GALNT13: variants seen among roughly 807,000 people sequenced by gnomAD.
The protein encoded by GALNT13 is UDP-GalNAc:polypeptide N-acetylgalactosaminyltransferase 13.
A neutral mutation model predicts 64.2 loss-of-function variants in GALNT13; 28 were observed. That is an observed-to-expected ratio of 0.44 (90% CI 0.32 to 0.60). The LOEUF is 0.60. GALNT13 is among the 20% of genes least tolerant of loss of function. The probability of loss-of-function intolerance (pLI) is 0.05; values close to 1 mark genes in which losing one functional copy is unlikely to be tolerated. For synonymous variants in GALNT13, 214 were observed against 224.6 expected (o/e 0.95, Z 0.42); for missense variants, 577 against 669.8 (o/e 0.86, Z 1.53).
At position 154,048,464 on chromosome 2, in the gene GALNT13, T is replaced by G. The variant is rs139027030; in HGVS notation, c.143-91873T>G. On this transcript the variant is annotated intron_variant, in intron 3 of 12. Transcript: ENST00000392825. ...TTGGGAAAATATATCTAAAATCTGC[T>G]TCTTACATGAGCTCGATTTATTTTG... is the stretch of plus-strand genomic sequence containing the variant. 5.9e-3 allele frequency among the ~76,000 whole-genome samples: 893 copies of G among 152,314 alleles called. 7 individuals carry two copies. The highest frequency in any genetic ancestry group is 0.02 in the African/African-American group (830 of 41,570).
At chr2:153,756,568 G>A in the GALNT13 span, among the ~76,000 whole-genome samples, 2 of 152,114 alleles carry the variant, frequency 1.3e-5, no homozygotes, top group Non-Finnish European at 2.9e-5. Flanking sequence ...AGATTGCAAA[G>A]AGATGAAACT....
At chr2:153,596,300 G>C in the GALNT13 span, among the ~76,000 whole-genome samples, 6 of 152,120 alleles carry the variant, frequency 3.9e-5, no homozygotes. Flanking sequence ...AAATCAGTCA[G>C]AGAGCCTAGC....
At chr2:153,364,602 G>C in the GALNT13 span, among the ~76,000 whole-genome samples, 1 of 152,108 alleles carries the variant, frequency 6.6e-6, no homozygotes, top group African/African-American at 2.4e-5. Context: ...TAGACAAGCA[G>C]AGAGCCAAAT....
chr2:153,762,890 A>G, the GALNT13 span, among the ~76,000 whole-genome samples: 1 of 151,540 alleles, frequency 6.6e-6, no homozygotes, highest in African/African-American at 2.4e-5. Context: ...TTATATTTAT[A>G]TTTTAAAAAT....
At chr2:153,682,771 C>T in the GALNT13 span, among the ~76,000 whole-genome samples, 2 of 151,770 alleles carry the variant, frequency 1.3e-5, no homozygotes, top group Admixed American at 6.6e-5. Context: ...TTAAATCCTC[C>T]TCTTGGTCCT....
At chr2:153,553,214 G>T in the GALNT13 span, among the ~76,000 whole-genome samples, 4 of 152,306 alleles carry the variant, frequency 2.6e-5, no homozygotes, top group East Asian at 7.7e-4. Flanking sequence ...ATTAGATGTT[G>T]TATGAAATTA....
At chr2:154,146,097 G>A (rs1030394659) in intron 4 of GALNT13, among the ~76,000 whole-genome samples, 2 of 151,108 alleles carry the variant, frequency 1.3e-5, no homozygotes, top group African/African-American at 2.4e-5. Context: ...ATGTTAGAAT[G>A]CCTGTATGTT....
At chr2:153,818,137 G>A in the GALNT13 span, among the ~76,000 whole-genome samples, 1 of 152,110 alleles carries the variant, frequency 6.6e-6, no homozygotes, top group African/African-American at 2.4e-5. Context: ...AAGATTAGGT[G>A]AGTGAGAGAC....
chr2:153,367,366 A>C, the GALNT13 span, among the ~76,000 whole-genome samples: 2 of 152,120 alleles, frequency 1.3e-5, no homozygotes, highest in Non-Finnish European at 2.9e-5. Flanking sequence ...ACTGTGATCA[A>C]CTAAAAATGT....
chr2:154,300,524 G>A lies in GALNT13; in HGVS notation c.976-885G>A, dbSNP rs181303542. Among the ~76,000 whole-genome samples, 393 of 152,066 alleles carry A rather than the reference G, an allele frequency of 2.6e-3. 4 individuals carry two copies. Among genetic ancestry groups the A allele is most frequent in the Middle Eastern group, 0.014 (4 of 290 alleles). ...TGTTTTCCAAATTTTGTAAAACAGC[G>A]ACTATGACTTCTATTTATTGTGACA... On this transcript the variant is annotated intron_variant, in intron 8 of 12. Transcript: ENST00000392825.
At chr2:154,171,817 T>A (rs1685364302) in intron 4 of GALNT13, among the ~76,000 whole-genome samples, 2 of 152,100 alleles carry the variant, frequency 1.3e-5, no homozygotes, top group Admixed American at 1.3e-4. Context: ...AATGATATAA[T>A]CCATTTTGGA....
intron 1 of GALNT13, among the ~76,000 whole-genome samples, chr2:153,899,396 T>C (rs1160215287): frequency 6.6e-6 from 1 of 152,212 alleles, no homozygotes; most frequent in African/African-American, 2.4e-5. Flanking sequence ...TTTATAATTG[T>C]ATTGAATTAT....
chr2:154,110,358 G>GAGAGAC (rs1558963184), intron 3 of GALNT13, among the ~76,000 whole-genome samples: 1 of 100,878 alleles, frequency 9.9e-6, no homozygotes. Flanking sequence ...GAGAGAGAGA[G>GAGAGAC]AGAGAGAGAG....
the GALNT13 span, among the ~76,000 whole-genome samples, chr2:153,632,747 A>G: frequency 6.6e-6 from 1 of 151,320 alleles, no homozygotes; most frequent in Non-Finnish European, 1.5e-5. Flanking sequence ...TTTATTTTTT[A>G]TTTTATTTAT....
the GALNT13 span, among the ~76,000 whole-genome samples, chr2:153,233,300 C>T: frequency 6.6e-6 from 1 of 152,066 alleles, no homozygotes; most frequent in African/African-American, 2.4e-5. Context: ...TTCTCTCCAG[C>T]CTTCCACAGA....
At chr2:153,514,559 AC>A in the GALNT13 span, among the ~76,000 whole-genome samples, 1 of 152,000 alleles carries the variant, frequency 6.6e-6, no homozygotes, top group Non-Finnish European at 1.5e-5. Context: ...TGAGATGAGG[AC>A]CTTTTACGGA....
intron 4 of GALNT13, among the ~76,000 whole-genome samples, chr2:154,143,526 T>G (rs545709916): frequency 4.1e-5 from 6 of 148,046 alleles, no homozygotes; most frequent in Admixed American, 1.4e-4. Flanking sequence ...TGAGCTAATG[T>G]TTAAAATATT....
intron 8 of GALNT13, among the ~76,000 whole-genome samples, chr2:154,299,244 A>C (rs1693278213): frequency 6.6e-6 from 1 of 151,728 alleles, no homozygotes; most frequent in Admixed American, 6.6e-5. Flanking sequence ...TTCAGGAGAA[A>C]AGCAAGGGAA....
chr2:153,499,711 C>A, the GALNT13 span, among the ~76,000 whole-genome samples: 6 of 152,198 alleles, frequency 3.9e-5, no homozygotes, highest in African/African-American at 1.4e-4. Context: ...TTGCCTTGGG[C>A]ACATGCATAT....
Sources: allele counts gnomAD v4.1 joint callset (sites outside exome capture counted in the v4.1 genomes callset), GRCh38; gene constraint gnomAD v4.1.1; transcripts MANE v1.5; gene names NCBI Gene and HGNC (gene_info 2026-07-23, HGNC 2026-07-21).